Variants in TSHZ2 observed in about 807,000 individuals in gnomAD.
TSHZ2 encodes teashirt zinc finger homeobox 2, also known as teashirt homolog 2.
In TSHZ2, 21 loss-of-function variants were observed where a neutral mutation model predicts 74.4. The ratio of observed to expected loss-of-function variants is 0.28; its 90% confidence interval spans 0.20 to 0.41. The LOEUF is 0.41. TSHZ2 is among the 10% of genes least tolerant of loss of function. TSHZ2 has a pLI of 1.00. For missense variants in TSHZ2, 1,244 were observed against 1,293.5 expected (o/e 0.96, Z 0.59); for synonymous variants, 540 against 515.3 (o/e 1.05, Z -0.65).
At chr20:53,199,927 G>A (rs937315663) in intron 1 of TSHZ2, among the ~76,000 whole-genome samples, 70 of 152,198 alleles carry the variant, frequency 4.6e-4, no homozygotes, top group African/African-American at 2.4e-4. Context: ...TATACATCAC[G>A]TAGTATAGCA....
At chr20:53,096,910 AAAAACAAAAAAC>A (rs1354864657) in intron 1 of TSHZ2, among the ~76,000 whole-genome samples, 1 of 150,276 alleles carries the variant, frequency 6.7e-6, no homozygotes, top group Non-Finnish European at 1.5e-5. Context: ...AAAAACCAAA[AAAAACAAAAAAC>A]AAAACAAAAA....
rs761345839 is a variant in TSHZ2, at chr20:53,253,729, C to T, written c.271C>T (p.Gln91Ter). 6.2e-7 allele frequency: 1 copy of T among 1,614,192 alleles called. No homozygotes were observed. The highest frequency in any genetic ancestry group is 1.3e-5 in the African/African-American group (1 of 75,040). The change falls in exon 2 of 3, where the codon CAG becomes TAG. Residue 91 changes from glutamine (Q) to a stop codon, truncating the protein, a stop_gained. Transcript: ENST00000371497. LOFTEE classifies it high-confidence loss of function. ...NESLLSDASD[Q>*]VSDIKSVCGR... is the part of the protein sequence containing the mutation. ...GTCTCTGCTGAGTGACGCCAGTGATCAGGTGTCGGACATCAAGAGTGTCTG... is the reference window on the plus strand; with the variant it reads ...GTCTCTGCTGAGTGACGCCAGTGATTAGGTGTCGGACATCAAGAGTGTCTG...
intron 2 of TSHZ2, among the ~76,000 whole-genome samples, chr20:53,456,274 C>A (rs924437659): frequency 3.2e-4 from 49 of 150,986 alleles, no homozygotes; most frequent in African/African-American, 1.1e-3. Context: ...GAAATGGTAT[C>A]TCATTGTGGT....
intron 1 of TSHZ2, among the ~76,000 whole-genome samples, chr20:53,194,499 A>C (rs1192975338): frequency 6.6e-6 from 1 of 152,198 alleles, no homozygotes; most frequent in African/African-American, 2.4e-5. Context: ...GACTTTCAGC[A>C]TCATCCATCA....
chr20:53,138,243 G>T (rs1987296446), intron 1 of TSHZ2, among the ~76,000 whole-genome samples: 1 of 152,074 alleles, frequency 6.6e-6, no homozygotes, highest in Admixed American at 6.6e-5. Flanking sequence ...AATTAGCTGG[G>T]CGTGGTGGTG....
At chr20:53,084,690 CCTCT>C (rs1486105905) in intron 1 of TSHZ2, among the ~76,000 whole-genome samples, 61 of 24,794 alleles carry the variant, frequency 2.5e-3, no homozygotes, top group African/African-American at 6.8e-3. Context: ...TCCCTCCCTC[CCTCT>C]CTCCCTCTCT....
At chr20:53,290,945 G>A (rs1025345913) in intron 2 of TSHZ2, among the ~76,000 whole-genome samples, 3 of 152,160 alleles carry the variant, frequency 2.0e-5, no homozygotes, top group African/African-American at 7.2e-5. Context: ...TCATATTTGA[G>A]GGGTTGCAAT....
chr20:53,300,671 T>A (rs372168539), intron 2 of TSHZ2, among the ~76,000 whole-genome samples: 14 of 152,284 alleles, frequency 9.2e-5, no homozygotes, highest in African/African-American at 3.1e-4. Flanking sequence ...AGTGAATGGA[T>A]ATAATTTGCC....
In TSHZ2 at chr20:53,214,920, T is replaced by C. The variant is rs116929505; in HGVS notation, c.41-38579T>C. 6.9e-4 allele frequency among the ~76,000 whole-genome samples: 105 copies of C among 152,140 alleles called. 1 individual carries two copies. In the East Asian group the frequency reaches 0.02, roughly 29 times the overall value. On this transcript the variant is annotated intron_variant, in intron 1 of 2. Transcript: ENST00000371497. The stretch of plus-strand genomic sequence containing the variant: ...ATGAGCTTGATTGAAGCAAGATTTG[T>C]GAAGGATGTGGCATTTAAAAGGTTG...
chr20:53,243,793 G>C (rs1215140486), intron 1 of TSHZ2, among the ~76,000 whole-genome samples: 1 of 151,416 alleles, frequency 6.6e-6, no homozygotes, highest in Non-Finnish European at 1.5e-5. Flanking sequence ...TTTTCTGAGA[G>C]AACAGTGGGT....
chr20:53,466,740 G>GACATTTTCTCTCTC (rs1277375594), intron 2 of TSHZ2, among the ~76,000 whole-genome samples: 1 of 152,132 alleles, frequency 6.6e-6, no homozygotes, highest in Non-Finnish European at 1.5e-5. Flanking sequence ...AGCCACCAGG[G>GACATTTTCTCTCTC]ACATTTTCTC....
chr20:53,065,765 C>T (rs893310198), intron 1 of TSHZ2, among the ~76,000 whole-genome samples: 17 of 152,126 alleles, frequency 1.1e-4, no homozygotes, highest in African/African-American at 4.1e-4. Context: ...GGTCTCTAGC[C>T]CAAATGGCAA....
At chr20:53,484,233 T>C (rs978643351) in intron 2 of TSHZ2, among the ~76,000 whole-genome samples, 1 of 152,202 alleles carries the variant, frequency 6.6e-6, no homozygotes, top group Non-Finnish European at 1.5e-5. Flanking sequence ...TCTCCACTGA[T>C]GGTGATCAAG....
intron 2 of TSHZ2, among the ~76,000 whole-genome samples, chr20:53,405,631 C>G (rs748111009): frequency 4.6e-5 from 7 of 152,062 alleles, no homozygotes; most frequent in Non-Finnish European, 8.8e-5. Context: ...AACTAGTAAA[C>G]AGAAGAATAA....
chr20:53,140,574 T>G (rs902367199), intron 1 of TSHZ2, among the ~76,000 whole-genome samples: 2 of 146,456 alleles, frequency 1.4e-5, no homozygotes, highest in Admixed American at 1.4e-4. Context: ...AGAGGGACAG[T>G]CACGAAGACC....
At chr20:53,073,527 G>A (rs778379507) in intron 1 of TSHZ2, among the ~76,000 whole-genome samples, 11 of 152,182 alleles carry the variant, frequency 7.2e-5, no homozygotes, top group Non-Finnish European at 1.5e-4. Flanking sequence ...GAAGGTTAGA[G>A]TAATTTCTAG....
intron 1 of TSHZ2, among the ~76,000 whole-genome samples, chr20:52,977,242 A>C (rs371577648): frequency 1.4e-4 from 22 of 152,042 alleles, no homozygotes; most frequent in African/African-American, 5.3e-4. Context: ...CCTTTAATTT[A>C]CTGTCAAGTG....
intron 2 of TSHZ2, among the ~76,000 whole-genome samples, chr20:53,288,506 G>C (rs937474390): frequency 6.6e-6 from 1 of 151,888 alleles, no homozygotes; most frequent in Non-Finnish European, 1.5e-5. Context: ...TCACATCTGT[G>C]TTTTTTTGCC....
intron 2 of TSHZ2, chr20:53,421,407 TC>T (rs1408318225): frequency 5.4e-6 from 1 of 186,190 alleles, no homozygotes; most frequent in Non-Finnish European, 1.2e-5. Flanking sequence ...GGTAAGCCCA[TC>T]TACAGGGAGA....
Sources: gnomAD v4.1 joint callset for allele counts (sites outside exome capture counted in the v4.1 genomes callset) on GRCh38, gnomAD v4.1.1 for gene constraint, MANE v1.5 for transcripts, NCBI Gene and HGNC (gene_info 2026-07-23, HGNC 2026-07-21) for gene names.